Variants in ARMC2 observed in about 807,000 individuals in gnomAD.
The protein encoded by ARMC2 is armadillo repeat-containing protein 2.
Under a neutral mutation model 90.3 loss-of-function variants are expected in ARMC2, and 67 were observed. The ratio of observed to expected loss-of-function variants is 0.74; its 90% CI spans 0.61 to 0.91. The LOEUF is 0.91. Ranked by LOEUF, ARMC2 falls within the 40% of genes least tolerant of loss-of-function variation. The pLI, the probability that ARMC2 is intolerant of heterozygous loss-of-function variation, is 0.00. For missense variants in ARMC2, 920 were observed against 1,030.9 expected (o/e 0.89, Z 1.47); for synonymous variants, 393 against 393.0 (o/e 1.00, Z 0.00).
At chr6:109,038,990 G>C in the ARMC2 span, among the ~76,000 whole-genome samples, 6 of 149,884 alleles carry the variant, frequency 4.0e-5, no homozygotes, top group African/African-American at 1.5e-4. Flanking sequence ...AGAAGAAGGA[G>C]GAGGAGGAGA....
At chr6:108,906,880 A>C (rs1772793031) in intron 8 of ARMC2, among the ~76,000 whole-genome samples, 1 of 152,230 alleles carries the variant, frequency 6.6e-6, no homozygotes, top group African/African-American at 2.4e-5. Context: ...CAAACACAGC[A>C]GGTACCAAAG....
chr6:108,870,911 T>C lies in ARMC2; in HGVS notation c.463+1916T>C, dbSNP rs114939912. Among the ~76,000 whole-genome samples, 639 of 152,208 alleles carry C rather than the reference T, an allele frequency of 4.2e-3. 3 individuals carry two copies. The highest frequency in any genetic ancestry group is 0.014 in the African/African-American group (599 of 41,514). ...CAGGAGAACAAATAAGTAAGAGAAT[T>C]TGAGTGCTGATGAATGCTCTGAAGA... On this transcript the variant is annotated intron_variant, in intron 4 of 17. Coordinates refer to ENST00000392644, the MANE Select transcript of ARMC2 (RefSeq NM_032131.6).
At chr6:108,890,945 C>A (rs1423877520) in intron 5 of ARMC2, among the ~76,000 whole-genome samples, 3 of 149,382 alleles carry the variant, frequency 2.0e-5, no homozygotes, top group Non-Finnish European at 3.0e-5. Context: ...GTGATGTGCC[C>A]CTCTCTGTGT....
intron 7 of ARMC2, among the ~76,000 whole-genome samples, chr6:108,901,632 G>A (rs1438950269): frequency 6.6e-6 from 1 of 151,884 alleles, no homozygotes; most frequent in African/African-American, 2.4e-5. Context: ...GGCCAGGCTG[G>A]TCTCAAACTT....
At chr6:108,907,114 TTTTTC>T (rs985397113) in intron 8 of ARMC2, among the ~76,000 whole-genome samples, 34 of 152,320 alleles carry the variant, frequency 2.2e-4, no homozygotes, top group East Asian at 7.7e-4. Flanking sequence ...GTAGTTGTCT[TTTTTC>T]TTTTCTTTGT....
the ARMC2 span, among the ~76,000 whole-genome samples, chr6:109,049,733 A>G: frequency 6.7e-6 from 1 of 150,206 alleles, no homozygotes; most frequent in Non-Finnish European, 1.5e-5. Context: ...ATATTGATGT[A>G]TAATATATAT....
In ARMC2 at chr6:108,964,285, T is replaced by G. The variant is rs1195521251; in HGVS notation, c.2258T>G (p.Ile753Ser). ...NLTVDKDKRVILKEGGGIKKL... is the reference protein window; with the variant it reads ...NLTVDKDKRVSLKEGGGIKKL... ...ACTGTGGATAAAGACAAGCGTGTCA[T>G]CTTGAAAGAAGGAGGTGGCATTAAA... The change falls in exon 16 of 18, where the codon ATC (isoleucine) becomes AGC (serine). Residue 753 changes from isoleucine (I) to serine (S), a missense_variant. Ile to Ser is a moderately radical substitution (Grantham distance 142, BLOSUM62 -2). Transcript: ENST00000392644. 1 of 1,613,954 alleles carries G rather than the reference T, an allele frequency of 6.2e-7. No individual in the cohort carries two copies. Among genetic ancestry groups the G allele is most frequent in the Non-Finnish European group, 8.5e-7 (1 of 1,179,878 alleles).
At chr6:109,021,717 A>T in the ARMC2 span, among the ~76,000 whole-genome samples, 1 of 151,946 alleles carries the variant, frequency 6.6e-6, no homozygotes, top group Non-Finnish European at 1.5e-5. Context: ...GATTATAGGC[A>T]TGAGCCACCA....
the ARMC2 span, among the ~76,000 whole-genome samples, chr6:109,024,937 A>C: frequency 6.6e-6 from 1 of 152,248 alleles, no homozygotes; most frequent in African/African-American, 2.4e-5. Context: ...AAATGGCCGA[A>C]CTGGCAAAGT....
At chr6:108,990,293 G>A in the ARMC2 span, among the ~76,000 whole-genome samples, 1 of 152,184 alleles carries the variant, frequency 6.6e-6, no homozygotes, top group Non-Finnish European at 1.5e-5. Context: ...TTCCAAGGAG[G>A]TAGAAACATA....
chr6:108,979,203 C>A (rs1192861906), downstream of ARMC2, among the ~76,000 whole-genome samples: 1 of 152,174 alleles, frequency 6.6e-6, no homozygotes, highest in Non-Finnish European at 1.5e-5. Context: ...GACACAATCT[C>A]TCAGCATTTG....
the ARMC2 span, chr6:109,008,684 T>G: frequency 1.4e-6 from 1 of 702,724 alleles, no homozygotes; most frequent in Non-Finnish European, 1.7e-6. Context: ...GTTACATTAG[T>G]AACTTTCAAA....
intron 3 of ARMC2, among the ~76,000 whole-genome samples, chr6:108,862,129 A>T (rs914374147): frequency 6.6e-6 from 1 of 152,086 alleles, no homozygotes; most frequent in Non-Finnish European, 1.5e-5. Context: ...AGATCACCTG[A>T]GATCATGAGT....
chr6:109,039,045 A>G, the ARMC2 span, among the ~76,000 whole-genome samples: 274 of 115,782 alleles, frequency 2.4e-3, no homozygotes, highest in South Asian at 6.6e-3. Context: ...AAGAAGAAGG[A>G]GGGAGAAGGA....
the ARMC2 span, among the ~76,000 whole-genome samples, chr6:109,035,139 A>T: frequency 6.6e-6 from 1 of 152,102 alleles, no homozygotes; most frequent in Non-Finnish European, 1.5e-5. Flanking sequence ...TCATATTCCT[A>T]ACCTGTCTTT....
chr6:109,049,169 T>C, the ARMC2 span, among the ~76,000 whole-genome samples: 1 of 152,280 alleles, frequency 6.6e-6, no homozygotes, highest in Admixed American at 6.5e-5. Context: ...TAAAATGTGT[T>C]ATATACACAC....
intron 10 of ARMC2, among the ~76,000 whole-genome samples, chr6:108,917,810 G>A (rs1774124727): frequency 6.6e-6 from 1 of 151,970 alleles, no homozygotes; most frequent in African/African-American, 2.4e-5. Context: ...ACCATACCCA[G>A]CTACATTTTG....
the ARMC2 span, among the ~76,000 whole-genome samples, chr6:109,026,984 A>G: frequency 1.3e-5 from 2 of 152,058 alleles, no homozygotes; most frequent in Admixed American, 1.3e-4. Context: ...AGCCTGGCCA[A>G]CACAGTGAAA....
intron 8 of ARMC2, among the ~76,000 whole-genome samples, chr6:108,904,646 TAA>T (rs58943428): frequency 0.74 from 106,112 of 144,172 alleles, 38,881 homozygotes; most frequent in Middle Eastern, 0.81. Flanking sequence ...GCAACTAAGT[TAA>T]AAAAAAAAAA....
Sources: allele counts gnomAD v4.1 joint callset (sites outside exome capture counted in the v4.1 genomes callset), GRCh38; gene constraint gnomAD v4.1.1; transcripts MANE v1.5; gene names NCBI Gene and HGNC (gene_info 2026-07-23, HGNC 2026-07-21).